Variants in RSF1 observed in about 807,000 individuals in gnomAD.
The protein encoded by RSF1 is HBV pX-associated protein 8.
In RSF1, 13 loss-of-function variants were observed where a neutral mutation model predicts 145.2. That is an observed-to-expected ratio of 0.09 (90% CI 0.06 to 0.14). RSF1 has a LOEUF of 0.14. RSF1 is among the 10% of genes least tolerant of loss of function. The pLI is 1.00. For missense variants in RSF1, 1,517 were observed against 1,718.2 expected, an observed-to-expected ratio of 0.88 and a Z score of 2.07; for synonymous variants, 577 against 592.6, an observed-to-expected ratio of 0.97 and a Z score of 0.38.
In RSF1 at chr11:77,743,330, G is replaced by A. The variant is rs139099914; in HGVS notation, c.373-2394C>T. On this transcript the variant is annotated intron_variant, in intron 3 of 15. Coordinates refer to ENST00000308488, the MANE Select transcript of RSF1 (RefSeq NM_016578.4). The stretch of plus-strand genomic sequence containing the variant: ...ATCTGTAGATCACTTTGGGTAGTAC[G>A]GACATCTTAACAAGATTAATTCTTT... 6.6e-5 allele frequency among the ~76,000 whole-genome samples: 10 copies of A among 152,262 alleles called. No homozygotes were observed. In the East Asian group the frequency reaches 1.7e-3, roughly 26 times the overall value.
rs2135797079 is a variant in RSF1 at position 77,660,771 on chromosome 11, C to A, written c.*6146G>T. On this transcript the variant is annotated 3_prime_UTR_variant, in exon 16 of 16. Coordinates refer to ENST00000308488, the MANE Select transcript of RSF1 (RefSeq NM_016578.4). ...ATGGAAACTCATGATCTGCAGGCTT[C>A]CCTTCTGAATGAGGATAGCAAAAAA... 1 of 150,212 alleles carries A rather than the reference C, an allele frequency of 6.7e-6. No homozygotes were observed. Among genetic ancestry groups the A allele is most frequent in the Admixed American group, 6.7e-5 (1 of 14,984 alleles). 9.3% of individuals were successfully genotyped at this position (150,212 alleles called of 1,614,324 possible). A position where few individuals can be genotyped will look rare whatever the true frequency, so the allele number is the denominator to read the frequency against.
chr11:77,867,966 G>C, the RSF1 span, among the ~76,000 whole-genome samples: 1 of 151,938 alleles, frequency 6.6e-6, no homozygotes, highest in African/African-American at 2.4e-5. Flanking sequence ...AGCATGCTAT[G>C]CAAGTGCTTT....
At chr11:77,786,407 T>C (rs746966371) in intron 1 of RSF1, among the ~76,000 whole-genome samples, 14 of 152,224 alleles carry the variant, frequency 9.2e-5, no homozygotes, top group Non-Finnish European at 1.8e-4. Context: ...AATTTAAAAT[T>C]GGCATTTAAA....
chr11:77,773,675 T>C (rs1948311128), intron 1 of RSF1, among the ~76,000 whole-genome samples: 1 of 152,166 alleles, frequency 6.6e-6, no homozygotes, highest in Non-Finnish European at 1.5e-5. Context: ...TAATATGCTA[T>C]CATAGACAAT....
the RSF1 span, chr11:77,842,671 A>G: frequency 6.2e-7 from 1 of 1,600,076 alleles, no homozygotes; most frequent in African/African-American, 1.3e-5. Flanking sequence ...AGGCTGACCA[A>G]GTGATTTCCA....
chr11:77,671,374 T>C (rs1028537010), intron 15 of RSF1, among the ~76,000 whole-genome samples: 2 of 151,084 alleles, frequency 1.3e-5, no homozygotes, highest in African/African-American at 4.9e-5. Flanking sequence ...AAAGAGACAG[T>C]AGGCACTTTT....
intron 1 of RSF1, among the ~76,000 whole-genome samples, chr11:77,768,713 C>G (rs1948251719): frequency 6.6e-6 from 1 of 152,102 alleles, no homozygotes; most frequent in Admixed American, 6.5e-5. Flanking sequence ...ATAGAACTGA[C>G]AAGCTGATAA....
chr11:77,820,745 G>A (rs779278371), upstream of RSF1: 4 of 1,528,050 alleles, frequency 2.6e-6, no homozygotes, highest in Non-Finnish European at 3.5e-6. Flanking sequence ...AGGAGGCGAT[G>A]GGGGGGCGGG....
At chr11:77,801,517 G>A (rs1245145624) in intron 1 of RSF1, among the ~76,000 whole-genome samples, 1 of 152,190 alleles carries the variant, frequency 6.6e-6, no homozygotes, top group Non-Finnish European at 1.5e-5. Context: ...GAGTGATAGG[G>A]CACTAGCAGC....
chr11:77,867,272 C>T, the RSF1 span, among the ~76,000 whole-genome samples: 1 of 151,816 alleles, frequency 6.6e-6, no homozygotes, highest in African/African-American at 2.4e-5. Context: ...TTTCCTATAC[C>T]ATCTCTACCA....
intron 1 of RSF1, among the ~76,000 whole-genome samples, chr11:77,814,586 CA>C (rs1488665781): frequency 4.6e-5 from 7 of 152,102 alleles, no homozygotes; most frequent in African/African-American, 1.7e-4. Context: ...GCTGGGATTA[CA>C]GGCGCCTGAC....
intron 1 of RSF1, among the ~76,000 whole-genome samples, chr11:77,767,292 T>C (rs1422890348): frequency 6.6e-6 from 1 of 152,178 alleles, no homozygotes; most frequent in Non-Finnish European, 1.5e-5. Flanking sequence ...CTGCCTCCTA[T>C]TTCCTCCTTT....
In RSF1 at chr11:77,700,825, C is replaced by G. The variant is rs1168272534; in HGVS notation, c.2404G>C (p.Glu802Gln). ...TCTTCTTCCACCTCATCTTCTCCTTCCCCTCTTTTTTTATCAGCTTTCTGA... is the reference window on the plus strand; with the variant it reads ...TCTTCTTCCACCTCATCTTCTCCTTGCCCTCTTTTTTTATCAGCTTTCTGA... ...RDQKADKKRG[E>Q]GEDEVEEEST... Residue 802 changes from glutamate to glutamine, a missense_variant, in exon 6 of 16, where the codon GAA becomes CAA. Glu to Gln is a conservative substitution (Grantham distance 29). Transcript: ENST00000308488. The G allele has an allele frequency of 6.2e-7, 1 of 1,613,062 alleles. No homozygotes were observed. The highest frequency in any genetic ancestry group is 1.7e-5 in the Admixed American group (1 of 59,978).
chr11:77,781,670 G>A (rs964970340), intron 1 of RSF1, among the ~76,000 whole-genome samples: 7 of 152,198 alleles, frequency 4.6e-5, no homozygotes, highest in Non-Finnish European at 7.3e-5. Flanking sequence ...TTGTTGGATA[G>A]TGTTCTGGAA....
chr11:77,780,400 A>G (rs188302282), intron 1 of RSF1, among the ~76,000 whole-genome samples: 34 of 152,372 alleles, frequency 2.2e-4, no homozygotes, highest in African/African-American at 8.2e-4. Context: ...CAACCATTCC[A>G]TGCCATCAAC....
intron 2 of RSF1, among the ~76,000 whole-genome samples, chr11:77,749,404 G>A (rs1046999969): frequency 7.9e-5 from 12 of 152,186 alleles, no homozygotes; most frequent in Non-Finnish European, 1.5e-4. Context: ...GCTCGGTTGA[G>A]TACCAAGTCC....
chr11:77,811,912 G>A (rs780522062), intron 1 of RSF1, among the ~76,000 whole-genome samples: 10 of 152,300 alleles, frequency 6.6e-5, no homozygotes, highest in African/African-American at 1.2e-4. Flanking sequence ...GGTGGCTCAC[G>A]CCTGTAATCC....
chr11:77,868,827 A>G, the RSF1 span: 56 of 206,500 alleles, frequency 2.7e-4, no homozygotes, highest in Non-Finnish European at 1.8e-4. Context: ...GAACCCGGGT[A>G]CCTTTCTCTC....
rs767522720 is a variant in RSF1, at chr11:77,667,015, T to G, written c.4228A>C (p.Ser1410Arg). The G allele has an allele frequency of 6.2e-7, 1 of 1,613,518 alleles. No homozygotes were observed. Among genetic ancestry groups the G allele is most frequent in the African/African-American group, 1.3e-5 (1 of 75,054 alleles). Residue 1410 changes from serine to arginine, a missense_variant, in exon 16 of 16, where the codon AGT becomes CGT. Physicochemically the swap from Ser to Arg is moderately radical, Grantham distance 110. Coordinates refer to ENST00000308488, the MANE Select transcript of RSF1 (RefSeq NM_016578.4). ...GGTGCTCCTGCCTCCTGCCCACCAC[T>G]TGTCCCATTGGAGGCTAGGCTTGCA... is the stretch of plus-strand genomic sequence containing the variant. ...ASASLASNGT[S>R]GGQEAGAPEE...
Sources: gnomAD v4.1 joint callset for allele counts (sites outside exome capture counted in the v4.1 genomes callset) on GRCh38, gnomAD v4.1.1 for gene constraint, MANE v1.5 for transcripts, NCBI Gene and HGNC (gene_info 2026-07-23, HGNC 2026-07-21) for gene names.